MTFR1L: variants seen among roughly 807,000 people sequenced by gnomAD.
The protein encoded by MTFR1L is mitochondrial fission regulator 1-like.
A neutral mutation model predicts 27.9 loss-of-function variants in MTFR1L; 10 were observed. That is an observed-to-expected ratio of 0.36 (90% CI 0.22 to 0.61). The LOEUF is 0.61. Ranked by LOEUF, MTFR1L falls within the 20% of genes least tolerant of loss-of-function variation. MTFR1L has a pLI of 0.73. For synonymous variants in MTFR1L, 151 were observed against 139.4 expected, an observed-to-expected ratio of 1.08 and a Z score of -0.58; for missense variants, 315 against 363.7, an observed-to-expected ratio of 0.87 and a Z score of 1.09.
rs1034250038 is a variant in MTFR1L at position 25,832,294 on chromosome 1, A to T, written c.*268A>T. On this transcript the variant is annotated 3_prime_UTR_variant, in exon 7 of 7. Transcript: ENST00000374303. ...TATCTTAGTTTAAAGGGTAAGAGAG[A>T]AGTTGTTTCTGGTTTTTCCTTGCCC... is the stretch of plus-strand genomic sequence containing the variant. 1.5e-5 allele frequency: 15 copies of T among 1,016,630 alleles called. No homozygotes were observed. Among genetic ancestry groups the T allele is most frequent in the Non-Finnish European group, 2.0e-5 (14 of 704,942 alleles). The allele number at this position is 1,016,630 out of a possible 1,614,324, so 63.0% of individuals were successfully genotyped here.
intron 2 of MTFR1L, 181 bp from the exon 3 acceptor site, chr1:25,823,463 G>C (rs1270249335): frequency 1.0e-6 from 1 of 984,870 alleles, no homozygotes; most frequent in Non-Finnish European, 1.6e-6. Flanking sequence ...TGGCTGGCCA[G>C]GGTGTAGGCT....
At chr1:25,831,175 C>T (rs1192178081) in intron 6 of MTFR1L, among the ~76,000 whole-genome samples, 1 of 152,130 alleles carries the variant, frequency 6.6e-6, no homozygotes, top group Non-Finnish European at 1.5e-5. Context: ...AAACGCAGTC[C>T]CTCTTGTTTT....
intron 5 of MTFR1L, among the ~76,000 whole-genome samples, chr1:25,828,798 T>C (rs1287166617): frequency 1.3e-5 from 2 of 152,196 alleles, no homozygotes; most frequent in Non-Finnish European, 1.5e-5. Context: ...CTCTGAAATT[T>C]ATCATTTGGT....
intron 5 of MTFR1L, among the ~76,000 whole-genome samples, chr1:25,827,753 T>C (rs2048187065): frequency 6.7e-6 from 1 of 148,294 alleles, no homozygotes; most frequent in Admixed American, 6.8e-5. Flanking sequence ...GAAACAAGAG[T>C]CTCATTCTGT....
In MTFR1L at chr1:25,826,712, A is replaced by AG; in HGVS notation, c.339dup (p.Leu114AlafsTer17). ...TCCCAACCTGCGTGGGTCCGAGGAG[A>AG]GGCTTCTGGCCCTGAAGAAGCCAGC... On this transcript the variant is annotated frameshift_variant, in exon 5 of 7. Transcript: ENST00000374303. LOFTEE classifies it high-confidence loss of function. The surrounding 1 kb of genome is among the most constrained non-coding windows in gnomAD (Gnocchi z 4.1). The AG allele has an allele frequency of 6.2e-7, 1 of 1,613,792 alleles. No individual in the cohort carries two copies. Among genetic ancestry groups the AG allele is most frequent in the Non-Finnish European group, 8.5e-7 (1 of 1,179,860 alleles).
intron 6 of MTFR1L, among the ~76,000 whole-genome samples, chr1:25,831,158 A>C (rs909531503): frequency 6.6e-6 from 1 of 152,246 alleles, no homozygotes; most frequent in Non-Finnish European, 1.5e-5. Flanking sequence ...CAGATATGTC[A>C]CCAACCAAAC....
intron 1 of MTFR1L, chr1:25,822,573 T>C (rs2142624): frequency 0.78 from 114,532 of 147,040 alleles, 45,657 homozygotes; most frequent in East Asian, 0.98. Context: ...GTCACCCAGG[T>C]TGGAGTGCAG....
At chr1:25,828,195 G>A (rs2048191593) in intron 5 of MTFR1L, among the ~76,000 whole-genome samples, 2 of 152,154 alleles carry the variant, frequency 1.3e-5, no homozygotes, top group Non-Finnish European at 2.9e-5. Flanking sequence ...CCTTCAAAGT[G>A]GGGAGTTTCA....
chr1:25,824,376 T>G (rs2048140588), intron 3 of MTFR1L, among the ~76,000 whole-genome samples: 1 of 152,170 alleles, frequency 6.6e-6, no homozygotes, highest in Non-Finnish European at 1.5e-5. Flanking sequence ...CATTTATTAG[T>G]CCCAGCTGCC....
rs1187453998 is a variant in MTFR1L at position 25,832,176 on chromosome 1, G to T, written c.*150G>T. 1.3e-6 allele frequency: 2 copies of T among 1,544,636 alleles called. No homozygotes were observed. The highest frequency in any genetic ancestry group is 3.9e-5 in the Admixed American group (2 of 51,244). Reference sequence around the variant, plus strand: ...AGCTTGGACTGAAAGAGAAGAGCTGGATTATATATTTCCCAGACTTCAAAC... The same window carrying T: ...AGCTTGGACTGAAAGAGAAGAGCTGTATTATATATTTCCCAGACTTCAAAC... On this transcript the variant is annotated 3_prime_UTR_variant, in exon 7 of 7. Coordinates refer to ENST00000374303, the MANE Select transcript of MTFR1L (RefSeq NM_001099625.2).
intron 1 of MTFR1L, chr1:25,822,280 A>AC (rs2048104203): frequency 6.6e-6 from 1 of 152,350 alleles, no homozygotes; most frequent in Admixed American, 6.5e-5. Context: ...AGCTCATGAG[A>AC]CTGAGATTGG....
At chr1:25,827,595 C>T (rs959269133) in intron 5 of MTFR1L, among the ~76,000 whole-genome samples, 15 of 152,142 alleles carry the variant, frequency 9.9e-5, no homozygotes, top group African/African-American at 3.6e-4. Context: ...TGTGCACCAC[C>T]ACACCTGGCT....
At chr1:25,821,033 G>GT (rs2048084661) in intron 1 of MTFR1L, 1 of 278,128 alleles carries the variant, frequency 3.6e-6, no homozygotes, top group Non-Finnish European at 6.9e-6. Flanking sequence ...TTGAGGGCCA[G>GT]TGTGGCTGGA....
intron 6 of MTFR1L, among the ~76,000 whole-genome samples, chr1:25,830,723 T>TAA (rs2048227880): frequency 6.6e-6 from 1 of 152,200 alleles, no homozygotes; most frequent in South Asian, 2.1e-4. Context: ...CCTGAGTTGA[T>TAA]AAAGTTCTTG....
rs1249301796 is a variant in MTFR1L, at chr1:25,826,791, G to A, written c.416G>A (p.Arg139His). ...TELQDELSHL[R>H]SQIAKIVAAD... is the part of the protein sequence containing the mutation. Reference sequence around the variant, plus strand: ...CTGCAGGACGAGCTGAGCCACTTGCGCAGCCAGATTGCAAAGATAGTGGCA... The same window carrying A: ...CTGCAGGACGAGCTGAGCCACTTGCACAGCCAGATTGCAAAGATAGTGGCA... The change falls in exon 5 of 7, where the codon CGC (arginine) becomes CAC (histidine). Residue 139 changes from arginine (R) to histidine (H), a missense_variant. Physicochemically the swap from Arg to His is conservative, Grantham distance 29. Coordinates refer to ENST00000374303, the MANE Select transcript of MTFR1L (RefSeq NM_001099625.2). The surrounding 1 kb of genome is among the most constrained non-coding windows in gnomAD (Gnocchi z 4.1). 1.1e-5 allele frequency: 18 copies of A among 1,613,982 alleles called. No individual in the cohort carries two copies. Among genetic ancestry groups the A allele is most frequent in the Non-Finnish European group, 1.4e-5 (16 of 1,180,058 alleles).
chr1:25,824,150 A>G (rs1572247527), intron 3 of MTFR1L, among the ~76,000 whole-genome samples: 1 of 152,302 alleles, frequency 6.6e-6, no homozygotes, highest in South Asian at 2.1e-4. Context: ...AGCTGGGATT[A>G]CAGGCACAAG....
chr1:25,826,427 G>C lies in MTFR1L; in HGVS notation c.239+16G>C. ...CCCGGGTCAGGTAGTTGAGGCAGTA[G>C]CTGGTCTGCTAAGGAATGGAGAACT... is the stretch of plus-strand genomic sequence containing the variant. On this transcript the variant is annotated intron_variant, in intron 4 of 6. Coordinates refer to ENST00000374303, the MANE Select transcript of MTFR1L (RefSeq NM_001099625.2). This position sits in a 1 kb window ranked among gnomAD's most constrained non-coding sequence, Gnocchi z 4.1. The C allele has an allele frequency of 6.2e-7, 1 of 1,613,226 alleles. No homozygotes were observed. Among genetic ancestry groups the C allele is most frequent in the Non-Finnish European group, 8.5e-7 (1 of 1,179,152 alleles).
intron 3 of MTFR1L, among the ~76,000 whole-genome samples, chr1:25,825,012 C>G (rs2048149339): frequency 6.6e-6 from 1 of 151,948 alleles, no homozygotes; most frequent in Non-Finnish European, 1.5e-5. Context: ...CATTTAATTG[C>G]CAAGAGCAAA....
intron 6 of MTFR1L, among the ~76,000 whole-genome samples, chr1:25,830,405 C>T (rs2048222976): frequency 6.6e-6 from 1 of 152,180 alleles, no homozygotes; most frequent in Non-Finnish European, 1.5e-5. Flanking sequence ...CTTTAACTTA[C>T]TAAAGTAGAA....
Sources: gnomAD v4.1 joint callset for allele counts (sites outside exome capture counted in the v4.1 genomes callset) on GRCh38, gnomAD v4.1.1 for gene constraint, Gnocchi (gnomAD v3.1) non-coding constraint, MANE v1.5 for transcripts, NCBI Gene and HGNC (gene_info 2026-07-23, HGNC 2026-07-21) for gene names.